Variants in USH2A observed in about 807,000 individuals in gnomAD.
USH2A encodes the protein Usher syndrome 2A (autosomal recessive, mild).
A neutral mutation model predicts 538.9 loss-of-function variants in USH2A; 443 were observed. The ratio of observed to expected loss-of-function variants is 0.82; its 90% CI spans 0.76 to 0.89. The LOEUF (loss-of-function observed/expected upper bound fraction) is 0.89. USH2A is among the 40% of genes least tolerant of loss of function. The pLI is 0.00. For synonymous variants in USH2A, 2,413 were observed against 2,273.5 expected, an observed-to-expected ratio of 1.06 and a Z score of -1.75; for missense variants, 6,633 against 6,324.8, an observed-to-expected ratio of 1.05 and a Z score of -1.65.
At chr1:215,895,977 C>T (rs1665329815) in intron 40 of USH2A, among the ~76,000 whole-genome samples, 1 of 152,138 alleles carries the variant, frequency 6.6e-6, no homozygotes, top group African/African-American at 2.4e-5. Flanking sequence ...TATCTCAACA[C>T]AGAAAAGGTA....
chr1:215,692,497 G>A (rs1443910448), intron 61 of USH2A, among the ~76,000 whole-genome samples: 2 of 151,904 alleles, frequency 1.3e-5, no homozygotes, highest in Non-Finnish European at 2.9e-5. Context: ...CTTTGCATAT[G>A]GAAATCAAGT....
At chr1:215,932,078 C>A (rs1268549882) in intron 38 of USH2A, among the ~76,000 whole-genome samples, 1 of 151,812 alleles carries the variant, frequency 6.6e-6, no homozygotes, top group African/African-American at 2.4e-5. Flanking sequence ...TAAAAGTATG[C>A]AAAAGAAGCA....
intron 38 of USH2A, among the ~76,000 whole-genome samples, chr1:215,909,693 C>T (rs939995039): frequency 1.3e-5 from 2 of 151,796 alleles, no homozygotes; most frequent in African/African-American, 4.8e-5. Flanking sequence ...ATGTTAGATG[C>T]GATAGGCAGG....
intron 49 of USH2A, among the ~76,000 whole-genome samples, chr1:215,805,615 A>C (rs1662478745): frequency 6.6e-6 from 1 of 152,098 alleles, no homozygotes; most frequent in African/African-American, 2.4e-5. Context: ...ACCACAAAAA[A>C]GTCCTGTAAA....
chr1:215,960,411 C>T (rs772948630), intron 37 of USH2A, among the ~76,000 whole-genome samples: 3 of 151,952 alleles, frequency 2.0e-5, no homozygotes, highest in African/African-American at 4.8e-5. Context: ...AACCTGTTAT[C>T]TATAATTTAA....
At chr1:216,232,391 T>C (rs1302827807) in intron 13 of USH2A, among the ~76,000 whole-genome samples, 1 of 152,172 alleles carries the variant, frequency 6.6e-6, no homozygotes, top group African/African-American at 2.4e-5. Context: ...TATTTCAATA[T>C]TTCTACAAAA....
At chr1:215,876,245 T>C (rs538342603) in intron 43 of USH2A, among the ~76,000 whole-genome samples, 2 of 152,318 alleles carry the variant, frequency 1.3e-5, no homozygotes, top group South Asian at 2.1e-4. Flanking sequence ...GATCTGCTAG[T>C]AATTGACCAA....
intron 11 of USH2A, among the ~76,000 whole-genome samples, chr1:216,269,778 G>A (rs1203638179): frequency 3.9e-5 from 6 of 152,106 alleles, no homozygotes; most frequent in Non-Finnish European, 5.9e-5. Flanking sequence ...GGACCATGCA[G>A]CAAAAGTCTG....
rs368925240 is a variant in USH2A at position 215,673,268 on chromosome 1, T to G, written c.13811+832A>C. Reference sequence around the variant, plus strand: ...GAGGTAATTATAGGAGGATCTAATCTACACATCACTAGATTACAATAATAG... The same window carrying G: ...GAGGTAATTATAGGAGGATCTAATCGACACATCACTAGATTACAATAATAG... On this transcript the variant is annotated intron_variant, in intron 63 of 71. Coordinates refer to ENST00000307340, the MANE Select transcript of USH2A (RefSeq NM_206933.4). Among the ~76,000 whole-genome samples, 6 of 152,350 alleles carry G rather than the reference T, an allele frequency of 3.9e-5. 1 individual carries two copies. The highest frequency in any genetic ancestry group is 1.4e-4 in the African/African-American group (6 of 41,584).
intron 13 of USH2A, among the ~76,000 whole-genome samples, chr1:216,240,217 A>G (rs1308008839): frequency 6.6e-6 from 1 of 152,150 alleles, no homozygotes; most frequent in Non-Finnish European, 1.5e-5. Context: ...ACCTTCCCCA[A>G]CCAGGAAGTT....
intron 46 of USH2A, among the ~76,000 whole-genome samples, chr1:215,840,684 T>G (rs1053130890): frequency 6.6e-6 from 1 of 152,178 alleles, no homozygotes; most frequent in Non-Finnish European, 1.5e-5. Context: ...AAAGCTGAGC[T>G]GCACATGCAT....
chr1:216,151,484 G>A (rs1266585018), intron 21 of USH2A, among the ~76,000 whole-genome samples: 1 of 152,046 alleles, frequency 6.6e-6, no homozygotes, highest in Non-Finnish European at 1.5e-5. Context: ...TTGATGGTCG[G>A]TTTAGGACTT....
intron 61 of USH2A, among the ~76,000 whole-genome samples, chr1:215,692,531 A>G (rs535307133): frequency 3.3e-5 from 5 of 152,222 alleles, no homozygotes; most frequent in African/African-American, 1.2e-4. Context: ...GTATATGGCA[A>G]ACTGATATGG....
At chr1:216,412,546 G>C (rs1445042781) in intron 3 of USH2A, among the ~76,000 whole-genome samples, 1 of 151,874 alleles carries the variant, frequency 6.6e-6, no homozygotes, top group Non-Finnish European at 1.5e-5. Context: ...TAAATTGCTT[G>C]TATCAATGAG....
chr1:216,279,896 G>A (rs1275093510), intron 11 of USH2A, among the ~76,000 whole-genome samples: 3 of 152,074 alleles, frequency 2.0e-5, no homozygotes, highest in Non-Finnish European at 4.4e-5. Flanking sequence ...CATCACCTGT[G>A]GAGGTGGCTA....
chr1:215,702,622 T>C (rs1353918900), intron 61 of USH2A, among the ~76,000 whole-genome samples: 1 of 151,862 alleles, frequency 6.6e-6, no homozygotes, highest in Non-Finnish European at 1.5e-5. Flanking sequence ...TTGATACTTG[T>C]GTATGCTTCA....
chr1:216,392,491 C>CA (rs55951311), intron 3 of USH2A, among the ~76,000 whole-genome samples: 17,596 of 49,262 alleles, frequency 0.36, 3,495 homozygotes, highest in East Asian at 0.55. Context: ...GACTCCGTCT[C>CA]AAAAAAAAAA....
At chr1:216,168,352 G>A (rs1454048664) in intron 21 of USH2A, among the ~76,000 whole-genome samples, 1 of 152,028 alleles carries the variant, frequency 6.6e-6, no homozygotes, top group African/African-American at 2.4e-5. Context: ...TGGACAATTT[G>A]AGCAGGTATA....
At chr1:216,350,174 G>GA (rs2038255158) in intron 4 of USH2A, among the ~76,000 whole-genome samples, 1 of 152,066 alleles carries the variant, frequency 6.6e-6, no homozygotes, top group African/African-American at 2.4e-5. Context: ...AATCATTCAT[G>GA]AAAAATCCAC....
Sources: allele counts gnomAD v4.1 joint callset (sites outside exome capture counted in the v4.1 genomes callset), GRCh38; gene constraint gnomAD v4.1.1; transcripts MANE v1.5; gene names NCBI Gene and HGNC (gene_info 2026-07-23, HGNC 2026-07-21).